The following ZNF385D variants were observed in gnomAD, a reference collection of about 807,000 sequenced individuals.
ZNF385D encodes zinc finger protein 659.
ZNF385D carries 15 observed loss-of-function variants against 35.8 expected under a neutral mutation model. The ratio of observed to expected loss-of-function variants is 0.42; its 90% CI spans 0.28 to 0.64. The LOEUF is 0.64. Ranked by LOEUF, ZNF385D falls within the 30% of genes least tolerant of loss-of-function variation. The pLI is 0.23. For missense variants in ZNF385D, 474 were observed against 494.6 expected (o/e 0.96, Z 0.39); for synonymous variants, 212 against 186.8 (o/e 1.13, Z -1.10).
chr3:21,452,312 C>A (rs1702507931), intron 4 of ZNF385D, among the ~76,000 whole-genome samples: 1 of 151,962 alleles, frequency 6.6e-6, no homozygotes. Flanking sequence ...AATTTTGCCC[C>A]ATGTAAAAAC....
At chr3:21,759,441 C>T (rs1294775483) in intron 3 of ZNF385D, among the ~76,000 whole-genome samples, 2 of 152,020 alleles carry the variant, frequency 1.3e-5, no homozygotes, top group African/African-American at 2.4e-5. Context: ...TGAGATCTCC[C>T]ATTCAAGGAA....
chr3:21,503,058 G>C (rs1410106141), intron 4 of ZNF385D, among the ~76,000 whole-genome samples: 1 of 152,204 alleles, frequency 6.6e-6, no homozygotes, highest in Non-Finnish European at 1.5e-5. Flanking sequence ...ATCTATAAGA[G>C]CTGATGGAAA....
intron 2 of ZNF385D, among the ~76,000 whole-genome samples, chr3:22,340,306 G>T (rs1264990110): frequency 6.6e-6 from 1 of 152,008 alleles, no homozygotes; most frequent in East Asian, 1.9e-4. Context: ...ATAAAGATTT[G>T]GGCCCAGTTA....
chr3:22,207,585 C>A (rs1284357061), intron 2 of ZNF385D, among the ~76,000 whole-genome samples: 1 of 151,880 alleles, frequency 6.6e-6, no homozygotes, highest in Non-Finnish European at 1.5e-5. Context: ...CAAAAATAGA[C>A]AAATGGGATG....
At chr3:21,754,537 C>T (rs1214883672), upstream of ZNF385D, among the ~76,000 whole-genome samples, 1 of 152,108 alleles carries the variant, frequency 6.6e-6, no homozygotes, top group East Asian at 1.9e-4. Flanking sequence ...GTTCTAAGAT[C>T]CGGGTAGCTG....
At chr3:22,049,297 A>AAAAATAAAATAAAAT (rs148136551) in intron 3 of ZNF385D, among the ~76,000 whole-genome samples, 2,697 of 141,502 alleles carry the variant, frequency 0.019, 56 homozygotes, top group African/African-American at 0.051. Context: ...ACTCAATCTC[A>AAAAATAAAATAAAAT]AAAATAAAAT....
At chr3:22,043,187 A>G (rs1312720221) in intron 3 of ZNF385D, among the ~76,000 whole-genome samples, 1 of 152,204 alleles carries the variant, frequency 6.6e-6, no homozygotes, top group African/African-American at 2.4e-5. Context: ...ACAAAACAAT[A>G]GCACTAAATT....
intron 3 of ZNF385D, among the ~76,000 whole-genome samples, chr3:22,058,263 C>T (rs1254448280): frequency 6.6e-6 from 1 of 152,162 alleles, no homozygotes; most frequent in East Asian, 1.9e-4. Context: ...AGAGTCAACT[C>T]AATGTTGCTT....
rs567415028 is a variant in ZNF385D at position 22,128,304 on chromosome 3, T to C, written c.325+40513A>G. 4.3e-4 allele frequency among the ~76,000 whole-genome samples: 65 copies of C among 152,296 alleles called. No homozygotes were observed. The South Asian group carries it at 0.013, about 30-fold the overall frequency. On this transcript the variant is annotated intron_variant, in intron 3 of 5. Coordinates refer to the ZNF385D transcript ENST00000494108. ...TTATTTATTTCTTTTCTCTTGCTATTCTTAGAATCTTTCCCTTATTCTTGA... is the reference window on the plus strand; with the variant it reads ...TTATTTATTTCTTTTCTCTTGCTATCCTTAGAATCTTTCCCTTATTCTTGA...
At chr3:21,544,183 G>A (rs570053087) in intron 3 of ZNF385D, among the ~76,000 whole-genome samples, 1 of 152,338 alleles carries the variant, frequency 6.6e-6, no homozygotes, top group South Asian at 2.1e-4. Flanking sequence ...CAGGTCAGAT[G>A]CAAGTGTTTT....
chr3:21,795,255 T>A (rs573487055), intron 3 of ZNF385D, among the ~76,000 whole-genome samples: 79 of 152,338 alleles, frequency 5.2e-4, no homozygotes, highest in South Asian at 1.4e-3. Context: ...ACACAGTTGC[T>A]GTAGGCCTCA....
intron 3 of ZNF385D, among the ~76,000 whole-genome samples, chr3:22,123,384 A>G (rs1576357822): frequency 6.6e-6 from 1 of 152,146 alleles, no homozygotes; most frequent in Non-Finnish European, 1.5e-5. Context: ...ATTTTGGTGT[A>G]TATATTGATG....
intron 2 of ZNF385D, among the ~76,000 whole-genome samples, chr3:22,305,357 G>A (rs996178230): frequency 1.3e-5 from 2 of 152,064 alleles, no homozygotes; most frequent in African/African-American, 4.8e-5. Context: ...ATCCTTGCAT[G>A]AATACTAGAC....
intron 3 of ZNF385D, among the ~76,000 whole-genome samples, chr3:21,803,881 T>A (rs918560413): frequency 4.6e-5 from 7 of 152,216 alleles, no homozygotes; most frequent in Non-Finnish European, 8.8e-5. Flanking sequence ...TAATCATTGC[T>A]CATTTTGGAA....
intron 3 of ZNF385D, among the ~76,000 whole-genome samples, chr3:21,824,452 TTC>T (rs1005656865): frequency 1.3e-5 from 2 of 151,950 alleles, no homozygotes; most frequent in African/African-American, 2.4e-5. Flanking sequence ...GTCTCTCCCT[TTC>T]TCTCTCACAC....
chr3:22,270,335 C>G (rs1701108062), intron 2 of ZNF385D, among the ~76,000 whole-genome samples: 1 of 151,850 alleles, frequency 6.6e-6, no homozygotes, highest in African/African-American at 2.4e-5. Flanking sequence ...TGAAGCTATC[C>G]AACAGGGTTT....
chr3:22,073,886 T>C (rs1239796198), intron 3 of ZNF385D, among the ~76,000 whole-genome samples: 2 of 152,038 alleles, frequency 1.3e-5, no homozygotes, highest in Non-Finnish European at 2.9e-5. Context: ...GATTGTTTTA[T>C]GCCATTCATG....
intron 2 of ZNF385D, among the ~76,000 whole-genome samples, chr3:22,205,752 C>G (rs1020492844): frequency 1.3e-5 from 2 of 151,680 alleles, no homozygotes; most frequent in African/African-American, 4.8e-5. Flanking sequence ...AATATTATAA[C>G]AGATACACAA....
intron 2 of ZNF385D, among the ~76,000 whole-genome samples, chr3:22,267,886 A>T (rs1241792920): frequency 1.3e-5 from 2 of 151,990 alleles, no homozygotes; most frequent in Admixed American, 6.6e-5. Flanking sequence ...CATGATAAAT[A>T]TTCAATGTGT....
Sources: allele counts gnomAD v4.1 joint callset (sites outside exome capture counted in the v4.1 genomes callset), GRCh38; gene constraint gnomAD v4.1.1; transcripts MANE v1.5; gene names NCBI Gene and HGNC (gene_info 2026-07-23, HGNC 2026-07-21).